The following TTC7A variants were observed in gnomAD, a reference collection of about 807,000 sequenced individuals.
TTC7A encodes the protein tetratricopeptide repeat protein 7A.
Under a neutral mutation model 103.7 loss-of-function variants are expected in TTC7A, and 110 were observed. The ratio of observed to expected loss-of-function variants is 1.06; its 90% confidence interval spans 0.91 to 1.24. The LOEUF is 1.24. Among genes scored for constraint, TTC7A ranks in the 50% most tolerant of loss-of-function variants. The probability of loss-of-function intolerance (pLI) is 0.00; values close to 1 mark genes in which losing one functional copy is unlikely to be tolerated. For missense variants in TTC7A, 1,340 were observed against 1,116.3 expected, an observed-to-expected ratio of 1.20 and a Z score of -2.86; for synonymous variants, 521 against 467.9, an observed-to-expected ratio of 1.11 and a Z score of -1.47.
At chr2:47,032,377 G>C (rs1680642214) in intron 15 of TTC7A, among the ~76,000 whole-genome samples, 2 of 152,194 alleles carry the variant, frequency 1.3e-5, no homozygotes, top group South Asian at 4.1e-4. Context: ...GCTTCCCCAA[G>C]GCTTGCAAGG....
intron 5 of TTC7A, among the ~76,000 whole-genome samples, chr2:46,979,827 G>C (rs1382797392): frequency 6.6e-6 from 1 of 152,184 alleles, no homozygotes; most frequent in Non-Finnish European, 1.5e-5. Context: ...CTTCCTCTGC[G>C]TCATTACAAC....
At chr2:47,056,708 A>G (rs1199396759) in intron 18 of TTC7A, among the ~76,000 whole-genome samples, 3 of 152,232 alleles carry the variant, frequency 2.0e-5, no homozygotes, top group Admixed American at 6.5e-5. Flanking sequence ...GAGAGAAAGC[A>G]CAGAGGAGAG....
chr2:46,993,618 G>C, intron 6 of TTC7A, 90 bp downstream of exon 6: 2 of 1,267,598 alleles, frequency 1.6e-6, no homozygotes, highest in Non-Finnish European at 1.1e-6. Flanking sequence ...TGTGAAGCAG[G>C]GGTGGCAGTA....
chr2:47,031,095 C>T (rs1006408557), intron 15 of TTC7A, among the ~76,000 whole-genome samples: 6 of 152,084 alleles, frequency 3.9e-5, no homozygotes, highest in Non-Finnish European at 5.9e-5. Flanking sequence ...TGCAGTGAGC[C>T]GAGATTGCGC....
intron 2 of TTC7A, among the ~76,000 whole-genome samples, chr2:46,952,320 CACCAAGACCGCTTTTCGTTTTAAA>C: frequency 6.6e-6 from 1 of 152,120 alleles, no homozygotes; most frequent in South Asian, 2.1e-4. Context: ...AAGCTTTTCC[CACCAAGACCGCTTTTCGTTTTAAA>C]AATATTAAAT....
rs371573789 is a variant in TTC7A, at chr2:47,028,577, C to T, written c.1642-647C>T. On this transcript the variant is annotated intron_variant, in intron 14 of 19. Transcript: ENST00000319190. ...CCCATGGTGACCTCTGGTCTCCCCA[C>T]CACATGGAAGGAAAGGCTTTCCTGA... Among the ~76,000 whole-genome samples the T allele has an allele frequency of 1.8e-3, 275 of 152,312 alleles. 1 individual carries two copies. Among genetic ancestry groups the T allele is most frequent in the African/African-American group, 6.2e-3 (257 of 41,572 alleles).
At chr2:47,027,812 C>T (rs1045938449) in intron 14 of TTC7A, among the ~76,000 whole-genome samples, 1 of 152,166 alleles carries the variant, frequency 6.6e-6, no homozygotes, top group Non-Finnish European at 1.5e-5. Context: ...GGGCAGCGGG[C>T]CACCTCACAG....
In TTC7A at chr2:47,011,447, G is replaced by T. The variant is rs1357560765; in HGVS notation, c.1392+12G>T. The T allele has an allele frequency of 6.3e-7, 1 of 1,597,486 alleles. No homozygotes were observed. The highest frequency in any genetic ancestry group is 1.3e-5 in the African/African-American group (1 of 74,966). The stretch of plus-strand genomic sequence containing the variant: ...GGTCCCTTCGCTGGGTGAGTGAGCT[G>T]TGAGGGCAGGTCCCAGAGGCCTCCT... On this transcript the variant is annotated intron_variant, in intron 11 of 19. Coordinates refer to ENST00000319190, the MANE Select transcript of TTC7A (RefSeq NM_020458.4).
At chr2:46,923,369 G>A (rs1669206463) in intron 2 of TTC7A, among the ~76,000 whole-genome samples, 1 of 152,150 alleles carries the variant, frequency 6.6e-6, no homozygotes, top group Non-Finnish European at 1.5e-5. Flanking sequence ...GAATTACCTG[G>A]GGGCTGCCAG....
chr2:47,001,371 G>A (rs1415535987), intron 8 of TTC7A, among the ~76,000 whole-genome samples: 1 of 152,224 alleles, frequency 6.6e-6, no homozygotes, highest in African/African-American at 2.4e-5. Flanking sequence ...AGCAGCAGCA[G>A]TCCCAGACTG....
At position 46,941,696 on chromosome 2, in the gene TTC7A, C is replaced by G; in HGVS notation, c.155C>G (p.Pro52Arg). ...GGCGGAGGTAACAGGCGAGGCAGCC[C>G]GAGCGCAGCGTTCACCTTTCCGGAC... is the stretch of plus-strand genomic sequence containing the variant. ...PGGGGNRRGS[P>R]SAAFTFPDTD... Residue 52 changes from proline to arginine, a missense_variant, in exon 1 of 20, where the codon CCG becomes CGG. Pro to Arg is a moderately radical substitution (Grantham distance 103, BLOSUM62 -2). Transcript: ENST00000319190. This position sits in a 1 kb window ranked among gnomAD's most constrained non-coding sequence, Gnocchi z 4.2. 1.3e-6 allele frequency: 2 copies of G among 1,550,772 alleles called. No homozygotes were observed. Among genetic ancestry groups the G allele is most frequent in the Non-Finnish European group, 1.7e-6 (2 of 1,147,420 alleles).
chr2:46,980,810 C>T (rs1044679239), intron 5 of TTC7A, among the ~76,000 whole-genome samples: 2 of 152,254 alleles, frequency 1.3e-5, no homozygotes, highest in Admixed American at 6.5e-5. Context: ...CAGGTTCCCA[C>T]AACCTCTTCT....
chr2:47,023,742 T>C (rs935976131), intron 13 of TTC7A, among the ~76,000 whole-genome samples: 3 of 152,114 alleles, frequency 2.0e-5, no homozygotes, highest in Non-Finnish European at 4.4e-5. Context: ...CCCATTGCTG[T>C]TGTAGTAATT....
At chr2:47,045,796 G>C (rs1299798014) in intron 15 of TTC7A, among the ~76,000 whole-genome samples, 1 of 152,236 alleles carries the variant, frequency 6.6e-6, no homozygotes, top group Non-Finnish European at 1.5e-5. Flanking sequence ...AAGGTGGGAA[G>C]TGGAGCTCTG....
At chr2:46,933,058 G>GT (rs979521614) in intron 2 of TTC7A, among the ~76,000 whole-genome samples, 3 of 152,236 alleles carry the variant, frequency 2.0e-5, no homozygotes, top group African/African-American at 4.8e-5. Context: ...GCCCTTGTGG[G>GT]TTGGGATGGC....
intron 11 of TTC7A, among the ~76,000 whole-genome samples, chr2:47,011,699 A>G (rs578065429): frequency 6.6e-6 from 1 of 152,314 alleles, no homozygotes; most frequent in South Asian, 2.1e-4. Context: ...AAGGAAGTAG[A>G]GGTGTTCCCC....
At chr2:46,958,032 T>A (rs183056434) in intron 3 of TTC7A, among the ~76,000 whole-genome samples, 1 of 152,124 alleles carries the variant, frequency 6.6e-6, no homozygotes, top group Non-Finnish European at 1.5e-5. Flanking sequence ...GATGAGAACC[T>A]CCATGCTCTG....
chr2:46,916,254 C>G (rs906750356), exon 1 of TTC7A: 1 of 823,612 alleles, frequency 1.2e-6, no homozygotes, highest in Non-Finnish European at 1.5e-6. Flanking sequence ...GATGAAACGA[C>G]CACAACACGC....
chr2:47,046,221 G>A, intron 15 of TTC7A, 94 bp from the exon 16 acceptor site: 2 of 900,990 alleles, frequency 2.2e-6, no homozygotes. Flanking sequence ...GAGTTAGGGA[G>A]GTGAGCATGT....
Sources: allele counts gnomAD v4.1 joint callset (sites outside exome capture counted in the v4.1 genomes callset), GRCh38; gene constraint gnomAD v4.1.1; non-coding constraint Gnocchi (gnomAD v3.1); transcripts MANE v1.5; gene names NCBI Gene and HGNC (gene_info 2026-07-23, HGNC 2026-07-21).